The following HEPH variants were observed in gnomAD, a reference collection of about 807,000 sequenced individuals.
The protein encoded by HEPH is hephaestin.
In HEPH, 69 loss-of-function variants were observed where a neutral mutation model predicts 80.8. The ratio of observed to expected loss-of-function variants is 0.85; its 90% CI spans 0.70 to 1.04. The LOEUF (loss-of-function observed/expected upper bound fraction) is 1.04. HEPH is among the 50% of genes least tolerant of loss of function. The probability of loss-of-function intolerance (pLI) is 0.00; values close to 1 mark genes in which losing one functional copy is unlikely to be tolerated. For synonymous variants in HEPH, 431 were observed against 322.8 expected (o/e 1.34, Z -3.60); for missense variants, 1,115 against 891.3 (o/e 1.25, Z -3.20).
In HEPH at chrX:66,192,185, C is replaced by T; in HGVS notation, c.1119C>T (p.Asp373=). 8.3e-7 allele frequency: 1 copy of T among 1,210,536 alleles called. No homozygotes were observed. The highest frequency in any genetic ancestry group is 1.1e-6 in the Non-Finnish European group (1 of 894,950). The change falls in exon 7 of 21, where the codon GAC becomes GAT. Residue 373 remains aspartate, a synonymous_variant. Transcript: ENST00000343002. The part of the protein sequence containing the change: ...VKSCSMAPPV[D]LLTGKVRQYF... Reference sequence around the variant, plus strand: ...CTTGCTCCATGGCCCCTCCTGTGGACCTGCTCACAGGCAAAGTTCGACAGT... The same window carrying T: ...CTTGCTCCATGGCCCCTCCTGTGGATCTGCTCACAGGCAAAGTTCGACAGT...
chrX:66,198,790 C>A, intron 10 of HEPH, 88 bp from the exon 11 acceptor site: 1 of 682,373 alleles, frequency 1.5e-6, no homozygotes, highest in East Asian at 3.3e-5. Context: ...GGGAAAGAAT[C>A]TGGCATCCCT....
intron 15 of HEPH, among the ~76,000 whole-genome samples, chrX:66,209,446 A>G (rs2088989734): frequency 8.9e-6 from 1 of 112,010 alleles, no homozygotes; most frequent in Admixed American, 9.5e-5. Flanking sequence ...CTGCTAGTTC[A>G]GAAACTACAC....
intron 1 of HEPH, 137 bp from the exon 2 acceptor site, chrX:66,170,421 T>G: frequency 6.5e-6 from 3 of 462,510 alleles, no homozygotes; most frequent in Non-Finnish European, 1.1e-5. Context: ...TCAGGTAAGT[T>G]AAAGAAACTG....
chrX:66,244,918 C>A (rs919688753), intron 15 of HEPH, among the ~76,000 whole-genome samples: 3 of 108,229 alleles, frequency 2.8e-5, no homozygotes, highest in African/African-American at 1.0e-4. Flanking sequence ...AAGTGATCCT[C>A]TTAAAAATAT....
At chrX:66,199,613 AT>A (rs1207049973) in intron 11 of HEPH, among the ~76,000 whole-genome samples, 1 of 112,190 alleles carries the variant, frequency 8.9e-6, no homozygotes, top group African/African-American at 3.2e-5. Flanking sequence ...TAGAAAAAAA[AT>A]GATATGCTTC....
chrX:66,200,646 A>G lies in HEPH; in HGVS notation c.1971A>G (p.Gly657=). ...TGGGCACAGAGACTGATGTGCATGG[A>G]GTCATGTTCCAGGGCAACACTGTGC... ...LGLGTETDVH[G]VMFQGNTVQL... is the part of the protein sequence containing the mutation. The change falls in exon 12 of 21, where the codon GGA becomes GGG. Residue 657 remains glycine, a synonymous_variant. Transcript: ENST00000343002. 8.3e-7 allele frequency: 1 copy of G among 1,211,052 alleles called. No individual in the cohort carries two copies. Among genetic ancestry groups the G allele is most frequent in the Non-Finnish European group, 1.1e-6 (1 of 894,989 alleles).
At chrX:66,200,413 T>G in intron 11 of HEPH, 127 bp from the exon 12 acceptor site, 2 of 484,945 alleles carry the variant, frequency 4.1e-6, no homozygotes, top group Non-Finnish European at 7.1e-6. Flanking sequence ...AAGGCAGAGG[T>G]GTTGAGGATG....
At chrX:66,192,817 A>T (rs186886566) in intron 7 of HEPH, among the ~76,000 whole-genome samples, 2 of 111,437 alleles carry the variant, frequency 1.8e-5, no homozygotes, top group Non-Finnish European at 3.8e-5. Flanking sequence ...CTCCTGCCTC[A>T]TCCATGACCC....
Position 66,237,573 on chromosome X carries a change from G to C in HEPH, c.2564-17462G>C, listed in dbSNP as rs1004297002. ...ATGTGGTTGATTTTGATGTACATGTGGTGATGAGAAGGATGCATATTCTGT... is the reference window on the plus strand; with the variant it reads ...ATGTGGTTGATTTTGATGTACATGTCGTGATGAGAAGGATGCATATTCTGT... On this transcript the variant is annotated intron_variant, in intron 15 of 20. Transcript: ENST00000343002. Among the ~76,000 whole-genome samples, 3 of 111,812 alleles carry C rather than the reference G, an allele frequency of 2.7e-5. No individual in the cohort carries two copies. The Admixed American group carries it at 2.9e-4, about 11-fold the overall frequency.
intron 15 of HEPH, among the ~76,000 whole-genome samples, chrX:66,235,322 A>C (rs957942352): frequency 1.8e-5 from 2 of 111,763 alleles, no homozygotes; most frequent in Admixed American, 1.9e-4. Flanking sequence ...GTATTTTTAT[A>C]CTTTTGGATT....
intron 15 of HEPH, among the ~76,000 whole-genome samples, chrX:66,234,260 C>T (rs1019902992): frequency 9.0e-5 from 10 of 110,768 alleles, no homozygotes; most frequent in South Asian, 3.8e-4. Context: ...TTTATGGCTG[C>T]GTAATCTACA....
chrX:66,200,849 C>A, intron 12 of HEPH, 97 bp downstream of exon 12: 1 of 642,616 alleles, frequency 1.6e-6, no homozygotes, highest in Non-Finnish European at 2.4e-6. Context: ...AAATAATAGG[C>A]ATGTTAAGGG....
chrX:66,248,278 T>C (rs1389728084), intron 15 of HEPH, among the ~76,000 whole-genome samples: 1 of 112,059 alleles, frequency 8.9e-6, no homozygotes, highest in African/African-American at 3.2e-5. Flanking sequence ...AAATAAACCA[T>C]TTTTAAGTTT....
At chrX:66,187,588 T>A (rs1416419550) in intron 4 of HEPH, among the ~76,000 whole-genome samples, 1 of 111,940 alleles carries the variant, frequency 8.9e-6, no homozygotes, top group Non-Finnish European at 1.9e-5. Flanking sequence ...CACAGAGTCC[T>A]GTGATGCGAA....
intron 18 of HEPH, 109 bp downstream of exon 18, chrX:66,259,088 A>G: frequency 1.2e-6 from 1 of 855,012 alleles, no homozygotes; most frequent in Non-Finnish European, 1.6e-6. Context: ...GTTAAAGAGC[A>G]GAGGTCTAGT....
In HEPH at chrX:66,195,215, CT is replaced by C. The variant is rs1569315044; in HGVS notation, c.1488del (p.Val497CysfsTer19). 1 of 1,190,544 alleles carries C rather than the reference CT, an allele frequency of 8.4e-7. No individual in the cohort carries two copies. The highest frequency in any genetic ancestry group is 1.1e-6 in the Non-Finnish European group (1 of 885,274). ...TTTTATGAGAAAGACTATGAAGGCA[CT>C]GTGTACAATGATGGTGAGCCAACAG... ...GVFYEKDYEG[T>X]VYNDGSSYPG... On this transcript the variant is annotated frameshift_variant, in exon 9 of 21. Transcript: ENST00000343002. LOFTEE classifies it high-confidence loss of function.
chrX:66,198,605 T>G (rs1222599306), intron 10 of HEPH, among the ~76,000 whole-genome samples: 1 of 110,937 alleles, frequency 9.0e-6, no homozygotes, highest in Non-Finnish European at 1.9e-5. Flanking sequence ...TTTTACACTC[T>G]ATACCTCTTA....
At chrX:66,186,938 T>G (rs1302625302) in intron 4 of HEPH, among the ~76,000 whole-genome samples, 1 of 111,425 alleles carries the variant, frequency 9.0e-6, no homozygotes, top group Non-Finnish European at 1.9e-5. Flanking sequence ...TCTTTTTTCT[T>G]TGTCTTTGTT....
At chrX:66,225,639 T>G in intron 15 of HEPH, among the ~76,000 whole-genome samples, 1 of 112,412 alleles carries the variant, frequency 8.9e-6, no homozygotes, top group African/African-American at 3.2e-5. Context: ...GCATTGATCC[T>G]CCACAGGGGC....
Sources: gnomAD v4.1 joint callset for allele counts (sites outside exome capture counted in the v4.1 genomes callset) on GRCh38, gnomAD v4.1.1 for gene constraint, MANE v1.5 for transcripts, NCBI Gene and HGNC (gene_info 2026-07-23, HGNC 2026-07-21) for gene names.